NRXN1: variants seen among roughly 807,000 people sequenced by gnomAD.
NRXN1 encodes the protein neurexin-1.
Under a neutral mutation model 150.9 loss-of-function variants are expected in NRXN1, and 39 were observed. The observed-to-expected ratio is 0.26, with a 90% CI of 0.20 to 0.34. NRXN1 has a LOEUF of 0.34. Among genes scored for constraint, NRXN1 ranks in the 10% least tolerant of loss-of-function variants. The probability of loss-of-function intolerance (pLI) is 1.00; values close to 1 mark genes in which losing one functional copy is unlikely to be tolerated. For synonymous variants in NRXN1, 924 were observed against 757.0 expected, an observed-to-expected ratio of 1.22 and a Z score of -3.62; for missense variants, 1,815 against 1,949.9, an observed-to-expected ratio of 0.93 and a Z score of 1.30.
chr2:49,962,150 T>C (rs17039573), intron 21 of NRXN1, among the ~76,000 whole-genome samples: 61,777 of 151,990 alleles, frequency 0.41, 12,872 homozygotes, highest in South Asian at 0.55. Context: ...GTGGAGAGTA[T>C]TGATTATATA....
chr2:50,359,209 G>A (rs1048410228), intron 17 of NRXN1, among the ~76,000 whole-genome samples: 1 of 151,540 alleles, frequency 6.6e-6, no homozygotes, highest in Non-Finnish European at 1.5e-5. Flanking sequence ...TCCTTCAAAG[G>A]ACCACAGCCC....
At chr2:50,237,832 T>G (rs542646318) in intron 17 of NRXN1, among the ~76,000 whole-genome samples, 1 of 152,116 alleles carries the variant, frequency 6.6e-6, no homozygotes, top group South Asian at 2.1e-4. Flanking sequence ...GTAAACCCCA[T>G]AAACCCCATA....
chr2:50,400,264 A>C (rs931837089), intron 17 of NRXN1, among the ~76,000 whole-genome samples: 6 of 152,142 alleles, frequency 3.9e-5, no homozygotes, highest in Admixed American at 6.6e-5. Context: ...AATATGTGTA[A>C]GATTTTCCAC....
intron 5 of NRXN1, among the ~76,000 whole-genome samples, chr2:50,761,991 C>A (rs1262304907): frequency 2.0e-5 from 3 of 151,790 alleles, no homozygotes; most frequent in Non-Finnish European, 4.4e-5. Context: ...GTTGGCTTCC[C>A]TGCTTTTGAG....
In NRXN1 at chr2:49,981,499, T is replaced by G. The variant is rs2351147; in HGVS notation, c.4129-37708A>C. On this transcript the variant is annotated intron_variant, in intron 21 of 22. Transcript: ENST00000401669. ...ATACGAGAAACTTTTGGCTTGTCAG[T>G]GAATACAGCTTGTCAGGCATTATCA... is the stretch of plus-strand genomic sequence containing the variant. 4.2e-4 allele frequency among the ~76,000 whole-genome samples: 64 copies of G among 152,162 alleles called. No homozygotes were observed. In the South Asian group the frequency reaches 0.013, roughly 31 times the overall value.
intron 5 of NRXN1, among the ~76,000 whole-genome samples, chr2:50,855,773 T>C (rs1675188507): frequency 6.6e-6 from 1 of 152,218 alleles, no homozygotes; most frequent in South Asian, 2.1e-4. Flanking sequence ...TCTTACTATG[T>C]CCACTGACTA....
At chr2:50,592,133 A>C (rs554599848) in intron 8 of NRXN1, among the ~76,000 whole-genome samples, 1 of 152,334 alleles carries the variant, frequency 6.6e-6, no homozygotes, top group African/African-American at 2.4e-5. Context: ...TCCTCACTAT[A>C]AACTGTGCTT....
chr2:50,212,689 T>C (rs1029942694), intron 18 of NRXN1, among the ~76,000 whole-genome samples: 7 of 151,810 alleles, frequency 4.6e-5, no homozygotes, highest in African/African-American at 1.7e-4. Context: ...AGGAAACAAA[T>C]AAACCAAAAA....
At chr2:50,864,841 C>T (rs150005182) in intron 5 of NRXN1, among the ~76,000 whole-genome samples, 23 of 152,036 alleles carry the variant, frequency 1.5e-4, no homozygotes, top group Non-Finnish European at 2.5e-4. Context: ...AAGAAGCACC[C>T]GGAAGAACTG....
intron 18 of NRXN1, among the ~76,000 whole-genome samples, chr2:50,132,964 G>T (rs894737366): frequency 6.6e-6 from 1 of 151,228 alleles, no homozygotes; most frequent in Admixed American, 6.6e-5. Flanking sequence ...AACACTTGAT[G>T]AGATAGAAAG....
At chr2:50,285,587 T>G (rs1266377703) in intron 17 of NRXN1, among the ~76,000 whole-genome samples, 1 of 152,230 alleles carries the variant, frequency 6.6e-6, no homozygotes, top group Non-Finnish European at 1.5e-5. Context: ...ATCATTTTTT[T>G]TCCCTCACTA....
intron 8 of NRXN1, among the ~76,000 whole-genome samples, chr2:50,555,248 T>C (rs1451902778): frequency 5.3e-5 from 8 of 152,166 alleles, no homozygotes; most frequent in East Asian, 1.9e-4. Flanking sequence ...ATTCTTATAA[T>C]AGAACCACTG....
chr2:50,495,659 T>C (rs1215225507), intron 15 of NRXN1, among the ~76,000 whole-genome samples: 1 of 152,186 alleles, frequency 6.6e-6, no homozygotes, highest in Non-Finnish European at 1.5e-5. Flanking sequence ...TTTCTCACTT[T>C]TTACATTTTA....
chr2:50,711,305 T>C (rs9751302), intron 5 of NRXN1, among the ~76,000 whole-genome samples: 4,461 of 151,374 alleles, frequency 0.029, 255 homozygotes, highest in African/African-American at 0.1. Context: ...TAGGTGACTT[T>C]GAAATGATAG....
intron 17 of NRXN1, among the ~76,000 whole-genome samples, chr2:50,250,947 GGCATATGTAATAAATTTATTACACATT>G (rs1559171928): frequency 1.4e-5 from 2 of 145,568 alleles, no homozygotes; most frequent in Non-Finnish European, 3.0e-5. Flanking sequence ...TATTACATAT[GGCATATGTAATAAATTTATTACACATT>G]GCATATGTAA....
At chr2:50,458,294 A>C (rs2087793817) in intron 17 of NRXN1, among the ~76,000 whole-genome samples, 1 of 152,144 alleles carries the variant, frequency 6.6e-6, no homozygotes, top group African/African-American at 2.4e-5. Flanking sequence ...AAGGGTAGAA[A>C]GGTGGAGAGG....
intron 5 of NRXN1, among the ~76,000 whole-genome samples, chr2:50,687,497 C>G (rs1428549336): frequency 6.6e-6 from 1 of 152,104 alleles, no homozygotes; most frequent in Admixed American, 6.6e-5. Context: ...TCAGCTGTCA[C>G]TTTGGCTGTC....
chr2:50,165,391 C>T (rs963816165), intron 18 of NRXN1, among the ~76,000 whole-genome samples: 1 of 152,154 alleles, frequency 6.6e-6, no homozygotes, highest in Non-Finnish European at 1.5e-5. Context: ...CTCTGTCACC[C>T]AGGCTGGAGT....
At chr2:50,977,275 A>G (rs1230180951) in intron 2 of NRXN1, among the ~76,000 whole-genome samples, 2 of 151,940 alleles carry the variant, frequency 1.3e-5, no homozygotes, top group Non-Finnish European at 2.9e-5. Flanking sequence ...GGTCAGAGAT[A>G]ATAATTTTGC....
Sources: gnomAD v4.1 joint callset for allele counts (sites outside exome capture counted in the v4.1 genomes callset) on GRCh38, gnomAD v4.1.1 for gene constraint, MANE v1.5 for transcripts, NCBI Gene and HGNC (gene_info 2026-07-23, HGNC 2026-07-21) for gene names.